Variants in CNTNAP5 observed in about 807,000 individuals in gnomAD.
CNTNAP5 encodes contactin associated protein family member 5.
A neutral mutation model predicts 150.2 loss-of-function variants in CNTNAP5; 72 were observed. That is an observed-to-expected ratio of 0.48 (90% CI 0.40 to 0.58). The LOEUF (loss-of-function observed/expected upper bound fraction) is 0.58. Ranked by LOEUF, CNTNAP5 falls within the 20% of genes least tolerant of loss-of-function variation. The probability of loss-of-function intolerance (pLI) is 0.00; values close to 1 mark genes in which losing one functional copy is unlikely to be tolerated. For missense variants in CNTNAP5, 1,636 were observed against 1,626.2 expected, an observed-to-expected ratio of 1.01 and a Z score of -0.10; for synonymous variants, 672 against 619.8, an observed-to-expected ratio of 1.08 and a Z score of -1.25.
chr2:124,623,658 GA>G (rs1193833320), intron 12 of CNTNAP5, among the ~76,000 whole-genome samples: 1 of 152,174 alleles, frequency 6.6e-6, no homozygotes, highest in Admixed American at 6.5e-5. Flanking sequence ...AGGTGGGAAA[GA>G]AAGCCTAGAT....
intron 1 of CNTNAP5, among the ~76,000 whole-genome samples, chr2:124,164,577 C>T (rs1445292361): frequency 1.3e-5 from 2 of 152,050 alleles, no homozygotes; most frequent in East Asian, 3.9e-4. Context: ...GAAGAAAATT[C>T]TAAGTGGAGG....
At chr2:124,419,932 C>CT (rs1433620683) in intron 4 of CNTNAP5, among the ~76,000 whole-genome samples, 1 of 126,496 alleles carries the variant, frequency 7.9e-6, no homozygotes, top group Non-Finnish European at 1.6e-5. Flanking sequence ...TTCTTTCTTT[C>CT]TTTCTTTCTT....
chr2:124,237,968 T>A (rs1192141176), intron 2 of CNTNAP5, among the ~76,000 whole-genome samples: 1 of 152,172 alleles, frequency 6.6e-6, no homozygotes, highest in Non-Finnish European at 1.5e-5. Context: ...AAATTAGAAC[T>A]GGGTTGGAGT....
intron 13 of CNTNAP5, among the ~76,000 whole-genome samples, chr2:124,665,207 C>G (rs1678673688): frequency 6.6e-6 from 1 of 152,174 alleles, no homozygotes; most frequent in African/African-American, 2.4e-5. Context: ...CTTCTATCTA[C>G]TATAAAGTGA....
intron 13 of CNTNAP5, among the ~76,000 whole-genome samples, chr2:124,677,329 C>A (rs1388862248): frequency 6.6e-6 from 1 of 152,130 alleles, no homozygotes; most frequent in Non-Finnish European, 1.5e-5. Flanking sequence ...TGTTACAGCT[C>A]ATAAAGGTAG....
At chr2:124,541,094 C>A (rs936936290) in intron 10 of CNTNAP5, among the ~76,000 whole-genome samples, 18 of 150,854 alleles carry the variant, frequency 1.2e-4, no homozygotes, top group Non-Finnish European at 4.4e-5. Context: ...TGGCTGATGA[C>A]TGTGATCTCC....
At chr2:124,710,695 C>G (rs1453949071) in intron 13 of CNTNAP5, among the ~76,000 whole-genome samples, 1 of 152,206 alleles carries the variant, frequency 6.6e-6, no homozygotes, top group East Asian at 1.9e-4. Context: ...CCTTAATTCA[C>G]TGCAGACTGA....
intron 12 of CNTNAP5, among the ~76,000 whole-genome samples, chr2:124,644,405 A>T (rs907362616): frequency 1.7e-4 from 26 of 152,334 alleles, no homozygotes; most frequent in African/African-American, 6.3e-4. Flanking sequence ...TATGGCAATA[A>T]TATTAGTGGC....
At chr2:124,051,416 G>A (rs1247038883) in intron 1 of CNTNAP5, among the ~76,000 whole-genome samples, 3 of 152,164 alleles carry the variant, frequency 2.0e-5, no homozygotes, top group East Asian at 3.9e-4. Context: ...AATAACAAGG[G>A]CACTCTAGGG....
intron 1 of CNTNAP5, among the ~76,000 whole-genome samples, chr2:124,151,521 CT>C (rs2104634558): frequency 6.6e-6 from 1 of 152,284 alleles, no homozygotes; most frequent in Non-Finnish European, 1.5e-5. Flanking sequence ...CCGAGATGTT[CT>C]TCCTCATTTG....
At chr2:124,546,188 T>C (rs1430164820) in intron 10 of CNTNAP5, among the ~76,000 whole-genome samples, 3 of 152,150 alleles carry the variant, frequency 2.0e-5, no homozygotes, top group Non-Finnish European at 4.4e-5. Flanking sequence ...AAGACATTTC[T>C]TTATTGAATT....
At chr2:124,235,208 C>T (rs1301581923) in intron 2 of CNTNAP5, among the ~76,000 whole-genome samples, 1 of 152,146 alleles carries the variant, frequency 6.6e-6, no homozygotes, top group African/African-American at 2.4e-5. Flanking sequence ...CAATCTGACA[C>T]TCGCTGAGTT....
intron 1 of CNTNAP5, among the ~76,000 whole-genome samples, chr2:124,059,724 C>A (rs1681953337): frequency 6.6e-6 from 1 of 151,908 alleles, no homozygotes. Flanking sequence ...TGCTGTCAGC[C>A]TTGATTGTCT....
chr2:124,606,049 T>C (rs1378545409), intron 11 of CNTNAP5, among the ~76,000 whole-genome samples: 1 of 152,098 alleles, frequency 6.6e-6, no homozygotes, highest in Non-Finnish European at 1.5e-5. Flanking sequence ...AGATAGTTGT[T>C]AGTAAATTTG....
At chr2:124,487,506 G>A (rs2104846111) in intron 7 of CNTNAP5, among the ~76,000 whole-genome samples, 1 of 152,204 alleles carries the variant, frequency 6.6e-6, no homozygotes, top group African/African-American at 2.4e-5. Flanking sequence ...AGGACAGTAT[G>A]TTTGTGCAGC....
chr2:124,046,433 G>GGAAA (rs544016234), intron 1 of CNTNAP5, among the ~76,000 whole-genome samples: 1 of 134,610 alleles, frequency 7.4e-6, no homozygotes, highest in African/African-American at 2.8e-5. Context: ...ACAAAAGAGA[G>GGAAA]AAAAAAAAAA....
chr2:124,583,180 C>T (rs1696452747), intron 11 of CNTNAP5, among the ~76,000 whole-genome samples: 1 of 152,180 alleles, frequency 6.6e-6, no homozygotes, highest in South Asian at 2.1e-4. Flanking sequence ...TACACTCTTC[C>T]ATTGCTGGTG....
chr2:124,084,297 C>T (rs1419128187), intron 1 of CNTNAP5, among the ~76,000 whole-genome samples: 3 of 150,988 alleles, frequency 2.0e-5, no homozygotes, highest in East Asian at 3.9e-4. Context: ...CACAGCGTCT[C>T]GCTTTGTTAC....
intron 22 of CNTNAP5, among the ~76,000 whole-genome samples, chr2:124,904,053 C>CAAAAAAAA (rs74764844): frequency 2.3e-5 from 2 of 88,640 alleles, no homozygotes; most frequent in Non-Finnish European, 4.1e-5. Flanking sequence ...GACTCTGTTT[C>CAAAAAAAA]AAAAAAAAAA....
Sources: allele counts gnomAD v4.1 joint callset (sites outside exome capture counted in the v4.1 genomes callset), GRCh38; gene constraint gnomAD v4.1.1; transcripts MANE v1.5; gene names NCBI Gene and HGNC (gene_info 2026-07-23, HGNC 2026-07-21).